PIK3C2G: variants seen among roughly 807,000 people sequenced by gnomAD.
PIK3C2G encodes phosphatidylinositol 3-kinase C2 domain-containing subunit gamma.
In PIK3C2G, 168 loss-of-function variants were observed where a neutral mutation model predicts 181.1. That is an observed-to-expected ratio of 0.93 (90% CI 0.82 to 1.05). The LOEUF (loss-of-function observed/expected upper bound fraction) is 1.05. Among genes scored for constraint, PIK3C2G ranks in the 50% least tolerant of loss-of-function variants. The probability of loss-of-function intolerance (pLI) is 0.00; values close to 1 mark genes in which losing one functional copy is unlikely to be tolerated. For missense variants in PIK3C2G, 1,869 were observed against 1,732.8 expected (o/e 1.08, Z -1.40); for synonymous variants, 573 against 592.2 (o/e 0.97, Z 0.47).
At chr12:18,483,589 T>C (rs1295766642) in intron 18 of PIK3C2G, among the ~76,000 whole-genome samples, 2 of 152,050 alleles carry the variant, frequency 1.3e-5, no homozygotes, top group African/African-American at 4.8e-5. Flanking sequence ...TATACTCAAA[T>C]TGACTATTCA....
At chr12:18,356,484 CA>C (rs1940743806) in intron 11 of PIK3C2G, among the ~76,000 whole-genome samples, 1 of 152,126 alleles carries the variant, frequency 6.6e-6, no homozygotes, top group African/African-American at 2.4e-5. Context: ...CCCCAGAGGA[CA>C]TGTGTTACAG....
intron 25 of PIK3C2G, 107 bp downstream of exon 25, chr12:18,538,419 A>T: frequency 1.1e-6 from 1 of 877,952 alleles, no homozygotes; most frequent in Admixed American, 2.7e-5. Context: ...AGCTATTCGG[A>T]AGAGAAAGGA....
chr12:18,601,893 C>T (rs890647063), intron 30 of PIK3C2G, among the ~76,000 whole-genome samples: 2 of 152,014 alleles, frequency 1.3e-5, no homozygotes, highest in Non-Finnish European at 1.5e-5. Context: ...CCTGTGAGCT[C>T]GCTGGGTCCC....
At chr12:18,246,400 T>G (rs1005699841), upstream of PIK3C2G, among the ~76,000 whole-genome samples, 1 of 152,186 alleles carries the variant, frequency 6.6e-6, no homozygotes, top group African/African-American at 2.4e-5. Context: ...TCTGATGTAT[T>G]ATACTGAGTC....
chr12:18,304,815 G>A (rs966834812), intron 5 of PIK3C2G, among the ~76,000 whole-genome samples: 4 of 152,128 alleles, frequency 2.6e-5, no homozygotes, highest in Admixed American at 6.5e-5. Context: ...CAGCAAATTT[G>A]TTACAGCCTA....
chr12:18,530,977 G>T (rs12812099), intron 24 of PIK3C2G, among the ~76,000 whole-genome samples: 28,200 of 151,926 alleles, frequency 0.19, 2,711 homozygotes, highest in South Asian at 0.26. Flanking sequence ...TGGGATACTA[G>T]ACCTAAAAAT....
intron 31 of PIK3C2G, among the ~76,000 whole-genome samples, chr12:18,623,279 A>G (rs927037703): frequency 1.3e-5 from 2 of 151,788 alleles, no homozygotes; most frequent in African/African-American, 4.8e-5. Context: ...CAATTTTTCC[A>G]ACACCATTAA....
the PIK3C2G span, among the ~76,000 whole-genome samples, chr12:18,689,889 A>T: frequency 6.6e-6 from 1 of 152,154 alleles, no homozygotes; most frequent in Non-Finnish European, 1.5e-5. Context: ...TGAGCAAGTC[A>T]TAAAGTAATC....
chr12:18,519,970 C>T (rs192339021), intron 24 of PIK3C2G, among the ~76,000 whole-genome samples: 13 of 145,156 alleles, frequency 9.0e-5, no homozygotes, highest in African/African-American at 3.1e-4. Flanking sequence ...ATCCCCCTCT[C>T]CAAGAAACAC....
At chr12:18,265,929 G>A (rs1044388950) in intron 1 of PIK3C2G, among the ~76,000 whole-genome samples, 2 of 145,688 alleles carry the variant, frequency 1.4e-5, no homozygotes, top group Admixed American at 7.2e-5. Context: ...CAGAAGAATC[G>A]CTTGAACCCG....
chr12:18,360,468 T>A (rs919281408), intron 11 of PIK3C2G, among the ~76,000 whole-genome samples: 1 of 152,196 alleles, frequency 6.6e-6, no homozygotes, highest in Admixed American at 6.5e-5. Context: ...GTGAGTTTTA[T>A]AGTTTTACAT....
At chr12:18,581,151 T>A (rs1385855493) in intron 29 of PIK3C2G, among the ~76,000 whole-genome samples, 1 of 152,252 alleles carries the variant, frequency 6.6e-6, no homozygotes, top group Non-Finnish European at 1.5e-5. Context: ...AATGACAACA[T>A]AATTGGCAAA....
the PIK3C2G span, among the ~76,000 whole-genome samples, chr12:18,716,323 T>C: frequency 2.0e-5 from 3 of 152,164 alleles, no homozygotes; most frequent in African/African-American, 4.8e-5. Flanking sequence ...GCTACTTCTC[T>C]AGATAGTTTT....
the PIK3C2G span, among the ~76,000 whole-genome samples, chr12:18,707,609 C>A: frequency 6.6e-6 from 1 of 152,078 alleles, no homozygotes; most frequent in Non-Finnish European, 1.5e-5. Flanking sequence ...CAGTATAAGT[C>A]CCTTAAAACT....
chr12:18,416,931 G>A (rs1269896364), intron 16 of PIK3C2G, among the ~76,000 whole-genome samples: 1 of 152,128 alleles, frequency 6.6e-6, no homozygotes, highest in African/African-American at 2.4e-5. Context: ...AGCTGCCATA[G>A]ACAGTGATTC....
intron 24 of PIK3C2G, among the ~76,000 whole-genome samples, chr12:18,524,630 A>G (rs1161540313): frequency 6.6e-6 from 1 of 150,998 alleles, no homozygotes; most frequent in Non-Finnish European, 1.5e-5. Context: ...CAACATCGCA[A>G]TCTTGGCTCA....
the PIK3C2G span, chr12:18,705,318 A>G: frequency 5.6e-6 from 9 of 1,614,030 alleles, no homozygotes; most frequent in Non-Finnish European, 6.8e-6. Flanking sequence ...TCAGATGTCT[A>G]AAAAAGTAAC....
At chr12:18,658,425 G>A in the PIK3C2G span, among the ~76,000 whole-genome samples, 11 of 152,100 alleles carry the variant, frequency 7.2e-5, no homozygotes, top group South Asian at 2.1e-4. Flanking sequence ...ATAAAGAATC[G>A]TAAAAGCAGC....
intron 30 of PIK3C2G, among the ~76,000 whole-genome samples, chr12:18,598,304 T>C (rs1947493530): frequency 6.6e-6 from 1 of 151,736 alleles, no homozygotes; most frequent in African/African-American, 2.4e-5. Context: ...AACAGAGATA[T>C]AGATCAATGG....
Sources: gnomAD v4.1 joint callset for allele counts (sites outside exome capture counted in the v4.1 genomes callset) on GRCh38, gnomAD v4.1.1 for gene constraint, MANE v1.5 for transcripts, NCBI Gene and HGNC (gene_info 2026-07-23, HGNC 2026-07-21) for gene names.